CSMD2: variants seen among roughly 807,000 people sequenced by gnomAD.
CSMD2 encodes the protein CUB and Sushi multiple domains 2, also known as CUB and sushi domain-containing protein 2.
Under a neutral mutation model 398.5 loss-of-function variants are expected in CSMD2, and 130 were observed. The observed-to-expected ratio is 0.33, with a 90% CI of 0.28 to 0.38. The LOEUF (loss-of-function observed/expected upper bound fraction) is 0.38, where lower values mean the gene tolerates loss of function less well. Among genes scored for constraint, CSMD2 ranks in the 10% least tolerant of loss-of-function variants. The pLI is 1.00. For synonymous variants in CSMD2, 1,828 were observed against 1,908.5 expected (o/e 0.96, Z 1.10); for missense variants, 3,829 against 4,764.9 (o/e 0.80, Z 5.78).
At chr1:33,615,892 C>A (rs1557626524) in intron 39 of CSMD2, among the ~76,000 whole-genome samples, 1 of 152,188 alleles carries the variant, frequency 6.6e-6, no homozygotes, top group Non-Finnish European at 1.5e-5. Context: ...TTGAGGGGCA[C>A]CTCACAATCG....
At chr1:33,855,336 G>A (rs1639006780) in intron 5 of CSMD2, among the ~76,000 whole-genome samples, 1 of 152,122 alleles carries the variant, frequency 6.6e-6, no homozygotes, top group South Asian at 2.1e-4. Flanking sequence ...CTGGGCCAAT[G>A]AGCTGATGGA....
intron 25 of CSMD2, among the ~76,000 whole-genome samples, chr1:33,690,622 A>G (rs1384684027): frequency 6.6e-6 from 1 of 152,204 alleles, no homozygotes; most frequent in Non-Finnish European, 1.5e-5. Flanking sequence ...AAACCTCTTG[A>G]TTTGCACATG....
intron 2 of CSMD2, among the ~76,000 whole-genome samples, chr1:34,070,382 G>A (rs550462097): frequency 3.3e-5 from 5 of 152,242 alleles, no homozygotes; most frequent in Non-Finnish European, 4.4e-5. Flanking sequence ...CCTTTCTCCC[G>A]CCCTCCACAG....
intron 3 of CSMD2, among the ~76,000 whole-genome samples, chr1:33,940,553 A>G (rs1043807200): frequency 2.0e-5 from 3 of 151,868 alleles, no homozygotes; most frequent in African/African-American, 4.8e-5. Flanking sequence ...CTCATTTTAC[A>G]GGTGAAAAAA....
rs1022267418 is a variant in CSMD2, at chr1:33,739,458, T to C, written c.2174-124A>G. 7 of 919,050 alleles carry C rather than the reference T, an allele frequency of 7.6e-6. No individual in the cohort carries two copies. The African/African-American group carries it at 1.0e-4, about 13-fold the overall frequency. The allele number at this position is 919,050 out of a possible 1,614,324, so 56.9% of individuals were successfully genotyped here. ...CCACCACCTCCCCAAGAACTTGCCA[T>C]GTTGGCGGGAGAGCTAGGCATTCTA... On this transcript the variant is annotated intron_variant, in intron 14 of 70. Transcript: ENST00000373381.
intron 17 of CSMD2, 124 bp downstream of exon 17, chr1:33,725,225 A>G: frequency 1.3e-6 from 1 of 772,682 alleles, no homozygotes; most frequent in East Asian, 2.6e-5. Context: ...TGAAGGGCAC[A>G]GCCTAGCCAA....
intron 3 of CSMD2, among the ~76,000 whole-genome samples, chr1:34,014,564 C>A (rs1647815813): frequency 6.6e-6 from 1 of 152,224 alleles, no homozygotes; most frequent in South Asian, 2.1e-4. Flanking sequence ...CACAGTCGCT[C>A]TAGTGTGATC....
At chr1:33,864,106 C>A in intron 5 of CSMD2, 1 of 1,320,340 alleles carries the variant, frequency 7.6e-7, no homozygotes, top group Non-Finnish European at 1.0e-6. Context: ...GCAAGTACAG[C>A]ACTTTCTAGA....
At chr1:33,744,333 C>G (rs193011496) in intron 13 of CSMD2, among the ~76,000 whole-genome samples, 1 of 152,308 alleles carries the variant, frequency 6.6e-6, no homozygotes, top group East Asian at 1.9e-4. Flanking sequence ...CCATGGGATT[C>G]TGACAACCCC....
Position 33,636,241 on chromosome 1 carries a change from A to T in CSMD2, c.4969+119T>A. ...CATCCACGGCAAACCCAGGTTTGCC[A>T]GGCTTGGAGGAGCCGGGCTTGAGGA... On this transcript the variant is annotated intron_variant, in intron 30 of 70. Coordinates refer to ENST00000373381, the MANE Select transcript of CSMD2 (RefSeq NM_001281956.2). This position sits in a 1 kb window ranked among gnomAD's most constrained non-coding sequence, Gnocchi z 4.8. 1 of 969,144 alleles carries T rather than the reference A, an allele frequency of 1.0e-6. No individual in the cohort carries two copies. The highest frequency in any genetic ancestry group is 1.5e-6 in the Non-Finnish European group (1 of 661,796). 60.0% of individuals were successfully genotyped at this position (969,144 alleles called of 1,614,324 possible).
intron 10 of CSMD2, among the ~76,000 whole-genome samples, chr1:33,802,400 G>A (rs181830598): frequency 5.4e-4 from 83 of 152,296 alleles, no homozygotes; most frequent in Middle Eastern, 3.4e-3. Flanking sequence ...GTGCAGAGGC[G>A]CACAGCCCAT....
intron 50 of CSMD2, 149 bp downstream of exon 50, chr1:33,572,357 T>A: frequency 1.4e-6 from 1 of 709,080 alleles, no homozygotes; most frequent in Non-Finnish European, 2.2e-6. Context: ...AGCACCTGCC[T>A]CCTCTTCTGA....
In CSMD2 at chr1:33,959,818, C is replaced by T. The variant is rs1325251; in HGVS notation, c.518-23864G>A. Among the ~76,000 whole-genome samples, 458 of 152,302 alleles carry T rather than the reference C, an allele frequency of 3.0e-3. 1 individual carries two copies. Among genetic ancestry groups the T allele is most frequent in the Non-Finnish European group, 5.5e-3 (372 of 68,018 alleles). ...TCACCACTCTCTTTCCCTGACCCTG[C>T]TTTTGTTCTGCATGCCATTTATCCC... On this transcript the variant is annotated intron_variant, in intron 3 of 70. Transcript: ENST00000373381.
intron 3 of CSMD2, among the ~76,000 whole-genome samples, chr1:33,989,780 T>C (rs952245592): frequency 1.4e-4 from 22 of 151,842 alleles, no homozygotes; most frequent in African/African-American, 5.3e-4. Context: ...TGTGAAACTC[T>C]AGGAAAGACA....
chr1:34,044,248 C>T lies in CSMD2; in HGVS notation c.405-11542G>A, dbSNP rs116077731. Among the ~76,000 whole-genome samples, 157 of 152,064 alleles carry T rather than the reference C, an allele frequency of 1.0e-3. 1 individual carries two copies. Among genetic ancestry groups the T allele is most frequent in the African/African-American group, 3.2e-3 (134 of 41,470 alleles). On this transcript the variant is annotated intron_variant, in intron 2 of 70. Coordinates refer to ENST00000373381, the MANE Select transcript of CSMD2 (RefSeq NM_001281956.2). ...CAAAGCATGTTTCTAGAATGTTCACCGGTTAAACAGAATTGGGAAATGCTG... is the reference window on the plus strand; with the variant it reads ...CAAAGCATGTTTCTAGAATGTTCACTGGTTAAACAGAATTGGGAAATGCTG...
At chr1:34,003,176 C>G (rs568663647) in intron 3 of CSMD2, among the ~76,000 whole-genome samples, 1 of 152,294 alleles carries the variant, frequency 6.6e-6, no homozygotes, top group East Asian at 1.9e-4. Flanking sequence ...CATCCATGCC[C>G]AAGTCCCAGG....
At chr1:33,954,434 G>GCCAT (rs1161421343) in intron 3 of CSMD2, among the ~76,000 whole-genome samples, 2 of 151,940 alleles carry the variant, frequency 1.3e-5, no homozygotes, top group African/African-American at 2.4e-5. Context: ...CTTAACTCCG[G>GCCAT]CCATCCAAAT....
chr1:34,004,678 G>A (rs1647004593), intron 3 of CSMD2, among the ~76,000 whole-genome samples: 1 of 152,144 alleles, frequency 6.6e-6, no homozygotes, highest in African/African-American at 2.4e-5. Flanking sequence ...TAGGGTGTAG[G>A]AGGGGAGGGA....
At chr1:34,156,820 G>A (rs1640853298) in intron 1 of CSMD2, among the ~76,000 whole-genome samples, 1 of 152,104 alleles carries the variant, frequency 6.6e-6, no homozygotes, top group Admixed American at 6.5e-5. Context: ...TTTCAAGGGT[G>A]GGACTGACAT....
Sources: gnomAD v4.1 joint callset for allele counts (sites outside exome capture counted in the v4.1 genomes callset) on GRCh38, gnomAD v4.1.1 for gene constraint, Gnocchi (gnomAD v3.1) non-coding constraint, MANE v1.5 for transcripts, NCBI Gene and HGNC (gene_info 2026-07-23, HGNC 2026-07-21) for gene names.